Variants in PLCB1 observed in about 807,000 individuals in gnomAD.
The protein encoded by PLCB1 is 1-phosphatidylinositol 4,5-bisphosphate phosphodiesterase beta-1.
Under a neutral mutation model 161.8 loss-of-function variants are expected in PLCB1, and 46 were observed. The observed-to-expected ratio is 0.28, with a 90% CI of 0.22 to 0.36. PLCB1 has a LOEUF of 0.36. Among genes scored for constraint, PLCB1 ranks in the 10% least tolerant of loss-of-function variants. PLCB1 has a pLI of 1.00. For synonymous variants in PLCB1, 517 were observed against 503.7 expected (o/e 1.03, Z -0.35); for missense variants, 1,016 against 1,472.5 (o/e 0.69, Z 5.07).
At chr20:8,302,191 T>C (rs1330330178) in intron 2 of PLCB1, among the ~76,000 whole-genome samples, 1 of 152,256 alleles carries the variant, frequency 6.6e-6, no homozygotes, top group African/African-American at 2.4e-5. Flanking sequence ...GGTTAGAACC[T>C]TCTCTTTGTA....
At chr20:8,417,173 G>A (rs567624999) in intron 3 of PLCB1, among the ~76,000 whole-genome samples, 291 of 128,732 alleles carry the variant, frequency 2.3e-3, no homozygotes, top group Non-Finnish European at 3.6e-3. Context: ...CACAAGCTCC[G>A]CCTCCCAGGT....
chr20:8,208,025 G>C lies in PLCB1; in HGVS notation c.177+57654G>C, dbSNP rs1462300507. Among the ~76,000 whole-genome samples, 3 of 152,162 alleles carry C rather than the reference G, an allele frequency of 2.0e-5. No homozygotes were observed. The East Asian group carries it at 5.8e-4, about 29-fold the overall frequency. ...TGGGGGAAGGAAGAGGTTGAGGAGG[G>C]AATTGGCCTTTTGCTGGGGGTTTAG... On this transcript the variant is annotated intron_variant, in intron 2 of 31. Transcript: ENST00000338037.
At chr20:8,133,774 A>T (rs191114529) in intron 1 of PLCB1, among the ~76,000 whole-genome samples, 2 of 152,340 alleles carry the variant, frequency 1.3e-5, no homozygotes, top group Admixed American at 1.3e-4. Context: ...AGCAAATTTA[A>T]GTCCAAATGA....
At chr20:8,748,214 T>C (rs896227998) in intron 23 of PLCB1, among the ~76,000 whole-genome samples, 26 of 152,228 alleles carry the variant, frequency 1.7e-4, no homozygotes, top group Non-Finnish European at 2.6e-4. Flanking sequence ...ATTTCTATAC[T>C]GTACAGATTT....
intron 31 of PLCB1, among the ~76,000 whole-genome samples, chr20:8,861,403 G>A (rs1251868103): frequency 6.6e-6 from 1 of 152,152 alleles, no homozygotes; most frequent in Non-Finnish European, 1.5e-5. Context: ...AAAACATTTG[G>A]TTAAAAGGCA....
chr20:8,355,143 C>T (rs894797786), intron 2 of PLCB1, among the ~76,000 whole-genome samples: 1 of 151,806 alleles, frequency 6.6e-6, no homozygotes, highest in Admixed American at 6.6e-5. Flanking sequence ...AAAACAGGTT[C>T]TTTGCTTATA....
intron 3 of PLCB1, among the ~76,000 whole-genome samples, chr20:8,438,645 C>T (rs769233861): frequency 3.4e-4 from 51 of 152,178 alleles, no homozygotes; most frequent in Non-Finnish European, 5.3e-4. Context: ...GTCTAGGGTG[C>T]GTCAGGATTC....
intron 2 of PLCB1, among the ~76,000 whole-genome samples, chr20:8,345,653 T>C (rs1985976776): frequency 6.6e-6 from 1 of 152,158 alleles, no homozygotes; most frequent in South Asian, 2.1e-4. Flanking sequence ...ATCCAAAATA[T>C]TCCTAGACTT....
intron 2 of PLCB1, among the ~76,000 whole-genome samples, chr20:8,258,228 G>C (rs1178054555): frequency 6.6e-6 from 1 of 152,000 alleles, no homozygotes; most frequent in Non-Finnish European, 1.5e-5. Flanking sequence ...TTTATTTGGT[G>C]GTTTCTAATT....
chr20:8,866,937 A>T (rs1434485798), intron 31 of PLCB1, among the ~76,000 whole-genome samples: 1 of 152,226 alleles, frequency 6.6e-6, no homozygotes, highest in Non-Finnish European at 1.5e-5. Context: ...TAATTAGGAC[A>T]TACTCCCTTA....
intron 3 of PLCB1, among the ~76,000 whole-genome samples, chr20:8,605,739 C>A (rs1305111044): frequency 1.3e-5 from 2 of 151,558 alleles, no homozygotes; most frequent in African/African-American, 4.8e-5. Context: ...GTGTACCCAC[C>A]ACCCAAAAAG....
At chr20:8,622,141 C>A (rs2123200572) in intron 3 of PLCB1, among the ~76,000 whole-genome samples, 1 of 151,956 alleles carries the variant, frequency 6.6e-6, no homozygotes. Flanking sequence ...GTAGTCCCAG[C>A]TACTCGGGAG....
At chr20:8,294,733 A>T (rs1983551268) in intron 2 of PLCB1, among the ~76,000 whole-genome samples, 1 of 151,330 alleles carries the variant, frequency 6.6e-6, no homozygotes, top group African/African-American at 2.4e-5. Flanking sequence ...ATTTCACACA[A>T]TCCTGTACAA....
At chr20:8,629,875 T>TTCTTTCTTTCTTTCTTTCTG (rs1272803067) in intron 4 of PLCB1, among the ~76,000 whole-genome samples, 3 of 83,462 alleles carry the variant, frequency 3.6e-5, no homozygotes, top group Non-Finnish European at 7.8e-5. Flanking sequence ...CTTTCTTTCT[T>TTCTTTCTTTCTTTCTTTCTG]TCTCTCTCTC....
intron 3 of PLCB1, among the ~76,000 whole-genome samples, chr20:8,607,774 G>A (rs1987798932): frequency 6.6e-6 from 1 of 152,038 alleles, no homozygotes; most frequent in Non-Finnish European, 1.5e-5. Context: ...CACATGTTTT[G>A]CCTTCATTAA....
At chr20:8,550,883 C>T (rs1263245005) in intron 3 of PLCB1, among the ~76,000 whole-genome samples, 2 of 152,038 alleles carry the variant, frequency 1.3e-5, no homozygotes, top group African/African-American at 4.8e-5. Context: ...TTCTCTATTC[C>T]TCTCCCCAAG....
chr20:8,134,422 G>A (rs2051323542), intron 1 of PLCB1, among the ~76,000 whole-genome samples: 1 of 152,242 alleles, frequency 6.6e-6, no homozygotes, highest in African/African-American at 2.4e-5. Flanking sequence ...ATTCTAAACT[G>A]TATTTTAAAT....
chr20:8,658,162 T>C (rs1178792150), intron 8 of PLCB1, among the ~76,000 whole-genome samples: 1 of 152,132 alleles, frequency 6.6e-6, no homozygotes, highest in Non-Finnish European at 1.5e-5. Context: ...AATACATCTT[T>C]AAATGATTAC....
At chr20:8,791,644 C>CT (rs375410403) in intron 31 of PLCB1, among the ~76,000 whole-genome samples, 17 of 143,440 alleles carry the variant, frequency 1.2e-4, no homozygotes, top group East Asian at 4.1e-4. Flanking sequence ...TTTCATTTTG[C>CT]TTTTTTTTTT....
Sources: allele counts gnomAD v4.1 joint callset (sites outside exome capture counted in the v4.1 genomes callset), GRCh38; gene constraint gnomAD v4.1.1; transcripts MANE v1.5; gene names NCBI Gene and HGNC (gene_info 2026-07-23, HGNC 2026-07-21).